Variants in PPP2R5A observed in about 807,000 individuals in gnomAD.
PPP2R5A encodes the protein serine/threonine-protein phosphatase 2A 56 kDa regulatory subunit alpha isoform.
A neutral mutation model predicts 64.2 loss-of-function variants in PPP2R5A; 25 were observed. That is an observed-to-expected ratio of 0.39 (90% CI 0.28 to 0.54). The LOEUF is 0.54. PPP2R5A is among the 20% of genes least tolerant of loss of function. The pLI is 0.67. For synonymous variants in PPP2R5A, 198 were observed against 201.2 expected, an observed-to-expected ratio of 0.98 and a Z score of 0.13; for missense variants, 425 against 576.3, an observed-to-expected ratio of 0.74 and a Z score of 2.69.
intron 4 of PPP2R5A, among the ~76,000 whole-genome samples, chr1:212,342,511 A>G (rs1341585132): frequency 6.6e-6 from 1 of 152,194 alleles, no homozygotes; most frequent in Non-Finnish European, 1.5e-5. Context: ...TTAATCCTAA[A>G]TTATCATAGT....
chr1:212,303,741 CA>C (rs1281902939), intron 1 of PPP2R5A, among the ~76,000 whole-genome samples: 1 of 152,116 alleles, frequency 6.6e-6, no homozygotes, highest in African/African-American at 2.4e-5. Flanking sequence ...GATTCAAATT[CA>C]TTATTTTGTG....
intron 1 of PPP2R5A, among the ~76,000 whole-genome samples, chr1:212,286,820 C>T (rs944957923): frequency 1.3e-5 from 2 of 152,182 alleles, no homozygotes; most frequent in African/African-American, 4.8e-5. Context: ...AATCCGAATG[C>T]AAACAACGGT....
intron 8 of PPP2R5A, among the ~76,000 whole-genome samples, chr1:212,351,102 C>CAA (rs58625826): frequency 5.8e-5 from 6 of 103,842 alleles, no homozygotes; most frequent in South Asian, 7.2e-4. Flanking sequence ...CGAGATGACA[C>CAA]AAAAAAAAAA....
intron 6 of PPP2R5A, 99 bp from the exon 7 acceptor site, chr1:212,348,290 T>C: frequency 1.4e-6 from 1 of 737,622 alleles, no homozygotes; most frequent in Non-Finnish European, 2.4e-6. Context: ...ACACCAGGAT[T>C]GAAGCATAGC....
chr1:212,312,720 G>A (rs535251936), intron 1 of PPP2R5A, among the ~76,000 whole-genome samples: 18 of 152,262 alleles, frequency 1.2e-4, no homozygotes, highest in African/African-American at 4.1e-4. Context: ...AATCTGAATA[G>A]TTATGTATCT....
At chr1:212,335,475 C>CA (rs71573833) in intron 3 of PPP2R5A, among the ~76,000 whole-genome samples, 26,356 of 100,720 alleles carry the variant, frequency 0.26, 2,725 homozygotes, top group Middle Eastern at 0.44. Context: ...AACTCCGGCT[C>CA]AAAAAAAAAA....
chr1:212,303,350 G>C (rs1425055977), intron 1 of PPP2R5A, among the ~76,000 whole-genome samples: 1 of 152,204 alleles, frequency 6.6e-6, no homozygotes, highest in African/African-American at 2.4e-5. Context: ...ATGATGTCAA[G>C]TGTCTTTGAA....
chr1:212,289,757 A>G (rs1658568138), intron 1 of PPP2R5A, among the ~76,000 whole-genome samples: 2 of 152,218 alleles, frequency 1.3e-5, no homozygotes, highest in Non-Finnish European at 2.9e-5. Context: ...GATTAAAAAT[A>G]TTTTTAAATG....
chr1:212,341,774 G>T (rs1659689479), intron 3 of PPP2R5A, among the ~76,000 whole-genome samples: 1 of 152,000 alleles, frequency 6.6e-6, no homozygotes, highest in African/African-American at 2.4e-5. Context: ...TCACTCTGTT[G>T]CCCAGGCTGG....
intron 3 of PPP2R5A, among the ~76,000 whole-genome samples, chr1:212,338,859 A>G (rs1422886226): frequency 6.6e-6 from 1 of 152,108 alleles, no homozygotes; most frequent in Non-Finnish European, 1.5e-5. Context: ...CTTCTTAACA[A>G]ATGTGATTTT....
At chr1:212,343,776 A>G (rs934095443) in intron 4 of PPP2R5A, among the ~76,000 whole-genome samples, 14 of 152,212 alleles carry the variant, frequency 9.2e-5, no homozygotes, top group Non-Finnish European at 1.6e-4. Flanking sequence ...GTAATGCCAT[A>G]TGAAATTGTA....
intron 1 of PPP2R5A, among the ~76,000 whole-genome samples, chr1:212,317,805 G>A (rs1448550784): frequency 6.6e-6 from 1 of 152,112 alleles, no homozygotes; most frequent in African/African-American, 2.4e-5. Context: ...GGCCAAGATG[G>A]TGAAACCTCG....
At chr1:212,357,450 A>G (rs1483046167) in intron 11 of PPP2R5A, 166 bp downstream of exon 11, 3 of 574,524 alleles carry the variant, frequency 5.2e-6, no homozygotes, top group Non-Finnish European at 8.1e-6. Flanking sequence ...TACCTTTATC[A>G]AGTTATAAAT....
chr1:212,302,429 T>C (rs1157804642), intron 1 of PPP2R5A, among the ~76,000 whole-genome samples: 1 of 152,216 alleles, frequency 6.6e-6, no homozygotes, highest in Non-Finnish European at 1.5e-5. Context: ...AACTAGTGGA[T>C]TCTGTGTATG....
chr1:212,326,329 C>T (rs529953852), intron 1 of PPP2R5A, among the ~76,000 whole-genome samples: 1 of 151,670 alleles, frequency 6.6e-6, no homozygotes, highest in South Asian at 2.1e-4. Flanking sequence ...TGAGGTGGCT[C>T]ACACCTGTAA....
chr1:212,285,885 C>G lies in PPP2R5A; in HGVS notation c.-226C>G, dbSNP rs1308075574. ...CCCTTCCCTCCGTCAGCCCCGGGAG[C>G]TCGCCGCGCGCCGGGGACCAGGAAC... On this transcript the variant is annotated 5_prime_UTR_variant, in exon 1 of 13. Coordinates refer to ENST00000261461, the MANE Select transcript of PPP2R5A (RefSeq NM_006243.4). The G allele has an allele frequency of 4.9e-6, 2 of 408,542 alleles. No individual in the cohort carries two copies. Among genetic ancestry groups the G allele is most frequent in the Non-Finnish European group, 8.5e-6 (2 of 236,094 alleles). 25.3% of individuals were successfully genotyped at this position (408,542 alleles called of 1,614,324 possible).
intron 1 of PPP2R5A, among the ~76,000 whole-genome samples, chr1:212,322,908 C>T (rs1264199789): frequency 6.6e-6 from 1 of 152,170 alleles, no homozygotes; most frequent in African/African-American, 2.4e-5. Context: ...GCCTCAGCCT[C>T]CCGAGTAGCT....
intron 8 of PPP2R5A, 122 bp from the exon 9 acceptor site, chr1:212,356,504 C>A: frequency 1.1e-6 from 1 of 872,074 alleles, no homozygotes; most frequent in Non-Finnish European, 1.7e-6. Flanking sequence ...TATTTATACA[C>A]ATATATTAAG....
In PPP2R5A at chr1:212,292,994, C is replaced by T. The variant is rs970538480; in HGVS notation, c.181+6703C>T. On this transcript the variant is annotated intron_variant, in intron 1 of 12. Transcript: ENST00000261461. ...GGTTGTGCCAGTAAAGCCCCTTCCT[C>T]GTCCTTCTTTTCTGCTTATCACTAG... 4.6e-5 allele frequency among the ~76,000 whole-genome samples: 7 copies of T among 152,292 alleles called. No homozygotes were observed. The South Asian group carries it at 8.3e-4, about 18-fold the overall frequency.
Sources: allele counts gnomAD v4.1 joint callset (sites outside exome capture counted in the v4.1 genomes callset), GRCh38; gene constraint gnomAD v4.1.1; transcripts MANE v1.5; gene names NCBI Gene and HGNC (gene_info 2026-07-23, HGNC 2026-07-21).